The following FBXO38 variants were observed in gnomAD, a reference collection of about 807,000 sequenced individuals.
FBXO38 encodes the protein F-box protein 38.
A neutral mutation model predicts 131.9 loss-of-function variants in FBXO38; 53 were observed. The ratio of observed to expected loss-of-function variants is 0.40; its 90% CI spans 0.32 to 0.51. The LOEUF (loss-of-function observed/expected upper bound fraction) is 0.51, where lower values mean the gene tolerates loss of function less well. Ranked by LOEUF, FBXO38 falls within the 20% of genes least tolerant of loss-of-function variation. FBXO38 has a pLI of 0.53. For missense variants in FBXO38, 1,076 were observed against 1,475.6 expected (o/e 0.73, Z 4.44); for synonymous variants, 452 against 505.6 (o/e 0.89, Z 1.42).
chr5:148,442,306 T>G lies in FBXO38; in HGVS notation c.*159T>G. 1 of 474,928 alleles carries G rather than the reference T, an allele frequency of 2.1e-6. No individual in the cohort carries two copies. The highest frequency in any genetic ancestry group is 5.5e-5 in the South Asian group (1 of 18,270). 29.4% of individuals were successfully genotyped at this position (474,928 alleles called of 1,614,324 possible). Reference sequence around the variant, plus strand: ...GAACATCGAAATTGTATACAAAGATTTGTACATAAAAAATATACAAAGACG... The same window carrying G: ...GAACATCGAAATTGTATACAAAGATGTGTACATAAAAAATATACAAAGACG... On this transcript the variant is annotated 3_prime_UTR_variant, in exon 22 of 22. Coordinates refer to ENST00000340253, the MANE Select transcript of FBXO38 (RefSeq NM_205836.3).
intron 21 of FBXO38, 152 bp downstream of exon 21, chr5:148,441,389 T>A (rs537447750): frequency 1.6e-6 from 1 of 612,458 alleles, no homozygotes; most frequent in Non-Finnish European, 2.8e-6. Flanking sequence ...AACAGTTCTT[T>A]ATTTGTGCAG....
At chr5:148,388,107 G>T (rs1027854240) in intron 1 of FBXO38, among the ~76,000 whole-genome samples, 19 of 152,184 alleles carry the variant, frequency 1.2e-4, no homozygotes, top group African/African-American at 4.6e-4. Flanking sequence ...TAATCTCCTT[G>T]TGTATCTAAT....
intron 2 of FBXO38, among the ~76,000 whole-genome samples, chr5:148,397,198 G>A (rs532841080): frequency 2.6e-5 from 4 of 152,134 alleles, no homozygotes; most frequent in African/African-American, 9.6e-5. Context: ...AAAAACTATG[G>A]CCTTCCTTAA....
At chr5:148,440,277 T>G in intron 19 of FBXO38, 147 bp from the exon 20 acceptor site, 1 of 599,526 alleles carries the variant, frequency 1.7e-6, no homozygotes, top group Non-Finnish European at 3.0e-6. Flanking sequence ...CTAGTTTGAG[T>G]GTATCCTACT....
In FBXO38 at chr5:148,402,223, C is replaced by T. The variant is rs1007807522; in HGVS notation, c.426+78C>T. The T allele has an allele frequency of 2.6e-6, 4 of 1,551,088 alleles. No homozygotes were observed. In the African/African-American group the frequency reaches 4.1e-5, roughly 16 times the overall value. On this transcript the variant is annotated intron_variant, in intron 4 of 21. Coordinates refer to ENST00000340253, the MANE Select transcript of FBXO38 (RefSeq NM_205836.3). ...CCAAAGAATGATAGACGTGTTCACTCACATGCAAATCTCATCTGTCACAAA... is the reference window on the plus strand; with the variant it reads ...CCAAAGAATGATAGACGTGTTCACTTACATGCAAATCTCATCTGTCACAAA...
At chr5:148,388,762 A>G (rs1758046499) in intron 1 of FBXO38, among the ~76,000 whole-genome samples, 1 of 152,208 alleles carries the variant, frequency 6.6e-6, no homozygotes, top group African/African-American at 2.4e-5. Flanking sequence ...CATAAAACTC[A>G]GACTTTGTGT....
chr5:148,395,011 CAA>C, intron 2 of FBXO38, 107 bp downstream of exon 2: 2 of 1,140,822 alleles, frequency 1.8e-6, no homozygotes, highest in Non-Finnish European at 2.4e-6. Flanking sequence ...ATTTACATTT[CAA>C]TTAAGTAAAA....
At chr5:148,439,005 T>G (rs1236560062) in intron 18 of FBXO38, among the ~76,000 whole-genome samples, 1 of 152,142 alleles carries the variant, frequency 6.6e-6, no homozygotes, top group Non-Finnish European at 1.5e-5. Flanking sequence ...TTGTAATCAG[T>G]GTGTAAGCCT....
intron 15 of FBXO38, among the ~76,000 whole-genome samples, chr5:148,432,086 A>T (rs1486733559): frequency 6.6e-6 from 1 of 152,142 alleles, no homozygotes; most frequent in African/African-American, 2.4e-5. Flanking sequence ...TTCATGTTTG[A>T]GATTACAGAA....
At chr5:148,404,580 G>A (rs960003334) in intron 5 of FBXO38, 105 bp from the exon 6 acceptor site, 1 of 970,572 alleles carries the variant, frequency 1.0e-6, no homozygotes, top group African/African-American at 1.7e-5. Context: ...AATCCTTGAA[G>A]GTTAAGCTGT....
At chr5:148,420,191 T>G (rs1461776174) in intron 12 of FBXO38, among the ~76,000 whole-genome samples, 1 of 151,252 alleles carries the variant, frequency 6.6e-6, no homozygotes, top group African/African-American at 2.4e-5. Context: ...GGCATGATCA[T>G]AGCTCACTGT....
intron 15 of FBXO38, among the ~76,000 whole-genome samples, chr5:148,431,172 A>G (rs1237676642): frequency 1.3e-5 from 2 of 152,238 alleles, no homozygotes; most frequent in Non-Finnish European, 2.9e-5. Context: ...GATAATAACT[A>G]TGAACATAAT....
chr5:148,436,199 T>A (rs945016870), intron 17 of FBXO38, among the ~76,000 whole-genome samples: 1 of 152,172 alleles, frequency 6.6e-6, no homozygotes, highest in Non-Finnish European at 1.5e-5. Flanking sequence ...CAGTGTAATG[T>A]CTGCGAAGCA....
chr5:148,441,021 C>G, intron 20 of FBXO38, 103 bp from the exon 21 acceptor site: 1 of 784,574 alleles, frequency 1.3e-6, no homozygotes, highest in Non-Finnish European at 2.3e-6. Flanking sequence ...ACACCTGACT[C>G]ACTCTCTTTA....
intron 1 of FBXO38, among the ~76,000 whole-genome samples, chr5:148,386,485 G>A (rs1407258229): frequency 1.3e-5 from 2 of 152,018 alleles, no homozygotes; most frequent in African/African-American, 2.4e-5. Flanking sequence ...TCTGGAAAAC[G>A]GATGTGCCAC....
chr5:148,433,552 AT>A, intron 16 of FBXO38, 28 bp downstream of exon 16: 1 of 1,576,690 alleles, frequency 6.3e-7, no homozygotes, highest in Non-Finnish European at 8.7e-7. Flanking sequence ...ACTTACCTTT[AT>A]CACAGTCTAG....
At chr5:148,401,441 T>C (rs1752145403) in intron 3 of FBXO38, among the ~76,000 whole-genome samples, 1 of 152,182 alleles carries the variant, frequency 6.6e-6, no homozygotes, top group African/African-American at 2.4e-5. Context: ...GGGGGAGTAA[T>C]AGTTAAACAT....
At chr5:148,415,699 CA>C (rs1162745493) in intron 10 of FBXO38, among the ~76,000 whole-genome samples, 2 of 152,010 alleles carry the variant, frequency 1.3e-5, no homozygotes, top group Non-Finnish European at 2.9e-5. Flanking sequence ...ACATTTAAAT[CA>C]GGGCTGATTG....
intron 1 of FBXO38, chr5:148,389,699 A>G: frequency 6.6e-6 from 1 of 152,294 alleles, no homozygotes; most frequent in South Asian, 2.1e-4. Context: ...TCTTCCAACT[A>G]AAAAGAAAAG....
Sources: allele counts gnomAD v4.1 joint callset (sites outside exome capture counted in the v4.1 genomes callset), GRCh38; gene constraint gnomAD v4.1.1; transcripts MANE v1.5; gene names NCBI Gene and HGNC (gene_info 2026-07-23, HGNC 2026-07-21).